Variants in ARMC8 observed in about 807,000 individuals in gnomAD.
The protein encoded by ARMC8 is armadillo repeat containing 8.
ARMC8 carries 20 observed loss-of-function variants against 99.3 expected under a neutral mutation model. The observed-to-expected ratio is 0.20, with a 90% confidence interval of 0.14 to 0.29. The LOEUF (loss-of-function observed/expected upper bound fraction) is 0.29, where lower values mean the gene tolerates loss of function less well. Among genes scored for constraint, ARMC8 ranks in the 10% least tolerant of loss-of-function variants. The pLI is 1.00. For missense variants in ARMC8, 569 were observed against 809.5 expected (o/e 0.70, Z 3.60); for synonymous variants, 263 against 278.3 (o/e 0.95, Z 0.55).
intron 12 of ARMC8, 165 bp downstream of exon 12, chr3:138,245,348 G>C: frequency 6.8e-7 from 1 of 1,476,972 alleles, no homozygotes; most frequent in Non-Finnish European, 9.0e-7. Context: ...GATTTGGGGG[G>C]TTGTTTGTTT....
intron 18 of ARMC8, among the ~76,000 whole-genome samples, chr3:138,279,238 C>CT (rs1274480309): frequency 5.3e-5 from 8 of 151,820 alleles, no homozygotes; most frequent in African/African-American, 1.9e-4. Flanking sequence ...ATTATTTTTA[C>CT]TTTTTTATTT....
chr3:138,295,563 A>T (rs2108408484), intron 21 of ARMC8, among the ~76,000 whole-genome samples: 1 of 152,346 alleles, frequency 6.6e-6, no homozygotes, highest in African/African-American at 2.4e-5. Context: ...ACAAAAGAAA[A>T]CATAGAATGT....
At chr3:138,248,943 T>C (rs1459866252) in intron 12 of ARMC8, among the ~76,000 whole-genome samples, 1 of 152,244 alleles carries the variant, frequency 6.6e-6, no homozygotes, top group Non-Finnish European at 1.5e-5. Context: ...GGGAAAGTTT[T>C]CTGCTTCAAT....
chr3:138,240,801 T>G (rs2046574288), intron 10 of ARMC8, among the ~76,000 whole-genome samples: 1 of 152,146 alleles, frequency 6.6e-6, no homozygotes, highest in Admixed American at 6.5e-5. Context: ...ACTTCCACAT[T>G]GTCCTTTCAA....
At chr3:138,227,967 C>G (rs951258254) in intron 5 of ARMC8, among the ~76,000 whole-genome samples, 1 of 152,102 alleles carries the variant, frequency 6.6e-6, no homozygotes, top group African/African-American at 2.4e-5. Flanking sequence ...CTTCTGCTTT[C>G]TTTTGTTGTT....
At chr3:138,262,819 C>T (rs545598755) in intron 12 of ARMC8, among the ~76,000 whole-genome samples, 1 of 152,260 alleles carries the variant, frequency 6.6e-6, no homozygotes, top group South Asian at 2.1e-4. Context: ...CTGGTGAGTA[C>T]AAGAGGACTA....
chr3:138,280,189 C>G (rs546758780), intron 18 of ARMC8, among the ~76,000 whole-genome samples: 60 of 152,170 alleles, frequency 3.9e-4, no homozygotes, highest in Non-Finnish European at 7.6e-4. Context: ...CAGACATGAG[C>G]CACTGTGCCT....
At chr3:138,195,121 C>CA (rs1184856724) in intron 1 of ARMC8, among the ~76,000 whole-genome samples, 5 of 151,494 alleles carry the variant, frequency 3.3e-5, no homozygotes, top group Admixed American at 6.6e-5. Flanking sequence ...CTAAAAAATA[C>CA]AAAAAAATTA....
chr3:138,288,453 G>C (rs1158894842), intron 19 of ARMC8, among the ~76,000 whole-genome samples: 2 of 152,140 alleles, frequency 1.3e-5, no homozygotes, highest in Non-Finnish European at 2.9e-5. Flanking sequence ...CCCTAGAGGT[G>C]TTTTGTTTGT....
rs1042908926 is a variant in ARMC8, at chr3:138,242,058, C to T, written c.1038+75C>T. 4 of 1,166,438 alleles carry T rather than the reference C, an allele frequency of 3.4e-6. No homozygotes were observed. The African/African-American group carries it at 6.1e-5, about 18-fold the overall frequency. The allele number at this position is 1,166,438 out of a possible 1,614,324, so 72.3% of individuals were successfully genotyped here. A position where few individuals can be genotyped will look rare whatever the true frequency, so the allele number is the denominator to read the frequency against. Reference sequence around the variant, plus strand: ...TTTCTTACTGTTCACAGTTTTGAACCAATTGATAACTACAGCTTAAAGCCC... The same window carrying T: ...TTTCTTACTGTTCACAGTTTTGAACTAATTGATAACTACAGCTTAAAGCCC... On this transcript the variant is annotated intron_variant, in intron 11 of 21. Transcript: ENST00000469044.
At chr3:138,290,339 A>G (rs2050818892) in intron 20 of ARMC8, among the ~76,000 whole-genome samples, 1 of 152,194 alleles carries the variant, frequency 6.6e-6, no homozygotes, top group Non-Finnish European at 1.5e-5. Flanking sequence ...TGCAGGCAGG[A>G]TGATCAGGAG....
chr3:138,238,543 C>T (rs949113829), intron 9 of ARMC8: 3 of 152,142 alleles, frequency 2.0e-5, no homozygotes, highest in Non-Finnish European at 2.9e-5. Context: ...CAATGAATTA[C>T]TCATGTATCG....
Position 138,297,062 on chromosome 3 carries a change from C to T in ARMC8, c.*1170C>T, listed in dbSNP as rs934855925. On this transcript the variant is annotated 3_prime_UTR_variant, in exon 22 of 22. Coordinates refer to ENST00000469044, the MANE Select transcript of ARMC8 (RefSeq NM_001363941.2). Reference sequence around the variant, plus strand: ...AGAACAGGATAGTTTAGAAAGCTTTCTGTTAGCTGTATTCAGCAAATTTCA... The same window carrying T: ...AGAACAGGATAGTTTAGAAAGCTTTTTGTTAGCTGTATTCAGCAAATTTCA... 7 of 152,194 alleles carry T rather than the reference C, an allele frequency of 4.6e-5. No individual in the cohort carries two copies. The highest frequency in any genetic ancestry group is 1.7e-4 in the African/African-American group (7 of 41,470). 9.4% of individuals were successfully genotyped at this position (152,194 alleles called of 1,614,324 possible). A position where few individuals can be genotyped will look rare whatever the true frequency, so the allele number is the denominator to read the frequency against.
At chr3:138,217,798 T>C (rs533806233) in intron 2 of ARMC8, among the ~76,000 whole-genome samples, 6 of 152,340 alleles carry the variant, frequency 3.9e-5, no homozygotes, top group Admixed American at 2.0e-4. Flanking sequence ...TAATTCAGTG[T>C]GTACAAAGTC....
chr3:138,268,549 T>C (rs957184118), intron 15 of ARMC8, among the ~76,000 whole-genome samples: 4 of 152,162 alleles, frequency 2.6e-5, no homozygotes, highest in African/African-American at 7.2e-5. Flanking sequence ...GGATCACTAA[T>C]ACGATTTTTT....
chr3:138,210,073 A>C (rs2044608403), intron 2 of ARMC8, among the ~76,000 whole-genome samples, 180 bp downstream of exon 2: 2 of 152,212 alleles, frequency 1.3e-5, no homozygotes, highest in Non-Finnish European at 2.9e-5. Context: ...TTGTCTTTTG[A>C]ATAGTTGTTA....
rs2045140051 is a variant in ARMC8 at position 138,217,601 on chromosome 3, C to T, written c.123-4325C>T. On this transcript the variant is annotated intron_variant, in intron 2 of 21. Coordinates refer to ENST00000469044, the MANE Select transcript of ARMC8 (RefSeq NM_001363941.2). ...GAAAGTAAAGTAGAAAGTTTAACCTCTGTGTAAATGTGGGAGCTTATCAAG... is the reference window on the plus strand; with the variant it reads ...GAAAGTAAAGTAGAAAGTTTAACCTTTGTGTAAATGTGGGAGCTTATCAAG... 2.0e-5 allele frequency among the ~76,000 whole-genome samples: 3 copies of T among 152,142 alleles called. No individual in the cohort carries two copies. The South Asian group carries it at 6.2e-4, about 31-fold the overall frequency.
intron 2 of ARMC8, among the ~76,000 whole-genome samples, chr3:138,220,720 C>T (rs558717185): frequency 6.7e-4 from 96 of 143,478 alleles, no homozygotes; most frequent in Non-Finnish European, 1.0e-3. Context: ...GATGGAGTCT[C>T]GTTCTGTCAC....
intron 19 of ARMC8, among the ~76,000 whole-genome samples, chr3:138,288,640 T>C (rs2050649566): frequency 2.7e-5 from 4 of 149,106 alleles, no homozygotes; most frequent in Non-Finnish European, 6.0e-5. Flanking sequence ...TCAGACTTTT[T>C]TTTTTTTTTT....
Sources: allele counts gnomAD v4.1 joint callset (sites outside exome capture counted in the v4.1 genomes callset), GRCh38; gene constraint gnomAD v4.1.1; transcripts MANE v1.5; gene names NCBI Gene and HGNC (gene_info 2026-07-23, HGNC 2026-07-21).